CTSS: variants seen among roughly 807,000 people sequenced by gnomAD.
The protein encoded by CTSS is cathepsin S.
A neutral mutation model predicts 39.9 loss-of-function variants in CTSS; 15 were observed. That is an observed-to-expected ratio of 0.38 (90% CI 0.25 to 0.58). The LOEUF (loss-of-function observed/expected upper bound fraction) is 0.58, where lower values mean the gene tolerates loss of function less well. Among genes scored for constraint, CTSS ranks in the 20% least tolerant of loss-of-function variants. CTSS has a pLI of 0.70. For synonymous variants in CTSS, 126 were observed against 138.2 expected (o/e 0.91, Z 0.62); for missense variants, 250 against 398.2 (o/e 0.63, Z 3.17).
At chr1:150,737,984 G>A (rs146959205) in intron 7 of CTSS, among the ~76,000 whole-genome samples, 6 of 152,188 alleles carry the variant, frequency 3.9e-5, no homozygotes, top group African/African-American at 1.2e-4. Context: ...GGGGAGAGTA[G>A]TTGGAGAGGT....
chr1:150,764,728 GGAGCACACCAA>G lies in CTSS; in HGVS notation c.25_35del (p.Val10CysfsTer7), dbSNP rs1309992663. ...CTTTATGCAACTGTGCCACTGCAGAGGAGCACACCAAGAGCACACAAACCAGCCGTTTCATT... is the reference window on the plus strand; with the variant it reads ...CTTTATGCAACTGTGCCACTGCAGAGGAGCACACAAACCAGCCGTTTCATT... On this transcript the variant is annotated frameshift_variant, in exon 2 of 8. Transcript: ENST00000368985. LOFTEE classifies it high-confidence loss of function. 8.1e-6 allele frequency: 13 copies of G among 1,614,060 alleles called. No individual in the cohort carries two copies. The highest frequency in any genetic ancestry group is 1.1e-5 in the Non-Finnish European group (13 of 1,180,000).
At chr1:150,752,580 TTC>T (rs1387849813) in intron 4 of CTSS, among the ~76,000 whole-genome samples, 1 of 152,324 alleles carries the variant, frequency 6.6e-6, no homozygotes, top group African/African-American at 2.4e-5. Context: ...ATCATAATTG[TTC>T]TCTTTCTCTC....
Position 150,764,768 on chromosome 1 carries a change from T to C in CTSS, c.-1-4A>G. 1 of 1,613,726 alleles carries C rather than the reference T, an allele frequency of 6.2e-7. No individual in the cohort carries two copies. ...CACACAAACCAGCCGTTTCATTCTG[T>C]GTAAGGAAAGGTAACATAGGAAGTG... On this transcript the variant is annotated splice_polypyrimidine_tract_variant and splice_region_variant and intron_variant, in intron 1 of 7. Coordinates refer to ENST00000368985, the MANE Select transcript of CTSS (RefSeq NM_004079.5).
intron 7 of CTSS, among the ~76,000 whole-genome samples, chr1:150,738,647 G>C (rs143899358): frequency 2.2e-4 from 33 of 151,148 alleles, no homozygotes; most frequent in African/African-American, 6.1e-4. Context: ...GCATGCCAGG[G>C]TAATTAAAAA....
Position 150,732,949 on chromosome 1 carries a change from A to C in CTSS, c.*97T>G, listed in dbSNP as rs893401798. 14 of 884,214 alleles carry C rather than the reference A, an allele frequency of 1.6e-5. No homozygotes were observed. Among genetic ancestry groups the C allele is most frequent in the Non-Finnish European group, 5.4e-6 (3 of 558,552 alleles). The allele number at this position is 884,214 out of a possible 1,614,324, so 54.8% of individuals were successfully genotyped here. A position where few individuals can be genotyped will look rare whatever the true frequency, so the allele number is the denominator to read the frequency against. ...TAATTAGTACAGTAAATACACATTA[A>C]TCATGACACAATTATTTCTTCTGGA... On this transcript the variant is annotated 3_prime_UTR_variant, in exon 8 of 8. Coordinates refer to ENST00000368985, the MANE Select transcript of CTSS (RefSeq NM_004079.5).
chr1:150,760,880 C>CA (rs56889122), intron 2 of CTSS, among the ~76,000 whole-genome samples: 8,184 of 116,834 alleles, frequency 0.07, 737 homozygotes, highest in African/African-American at 0.22. Context: ...GATCTCATCT[C>CA]AAAAAAAAAA....
chr1:150,741,234 G>A (rs1217734008), intron 7 of CTSS, among the ~76,000 whole-genome samples: 1 of 152,118 alleles, frequency 6.6e-6, no homozygotes, highest in Non-Finnish European at 1.5e-5. Flanking sequence ...CTGGCCTCAA[G>A]TGATCCTCCT....
At chr1:150,741,422 T>C (rs1003288954) in intron 7 of CTSS, among the ~76,000 whole-genome samples, 2 of 152,270 alleles carry the variant, frequency 1.3e-5, no homozygotes, top group African/African-American at 2.4e-5. Flanking sequence ...GAGTTGATTA[T>C]GTCATAGTTT....
At chr1:150,763,466 G>A (rs587723046) in intron 2 of CTSS, among the ~76,000 whole-genome samples, 1 of 152,192 alleles carries the variant, frequency 6.6e-6, no homozygotes, top group South Asian at 2.1e-4. Context: ...ACAATGAAAG[G>A]ATAAGTATGT....
At chr1:150,737,091 A>C (rs1652651515) in intron 7 of CTSS, among the ~76,000 whole-genome samples, 1 of 152,124 alleles carries the variant, frequency 6.6e-6, no homozygotes, top group African/African-American at 2.4e-5. Flanking sequence ...GATTGGACTC[A>C]AGTAGAGTCC....
chr1:150,764,983 T>C (rs1557816030), intron 1 of CTSS, among the ~76,000 whole-genome samples: 1 of 152,156 alleles, frequency 6.6e-6, no homozygotes, highest in African/African-American at 2.4e-5. Flanking sequence ...CTTTAAAAAG[T>C]GATTTCCAGG....
At chr1:150,743,206 A>T (rs1434912507) in intron 7 of CTSS, among the ~76,000 whole-genome samples, 3 of 152,098 alleles carry the variant, frequency 2.0e-5, no homozygotes, top group African/African-American at 7.2e-5. Context: ...CAAGATAGTG[A>T]GAAATGTGCC....
At chr1:150,746,773 T>G (rs1374495104) in intron 7 of CTSS, among the ~76,000 whole-genome samples, 1 of 152,124 alleles carries the variant, frequency 6.6e-6, no homozygotes, top group East Asian at 1.9e-4. Flanking sequence ...GAACTACAAC[T>G]GTGGATAGTG....
intron 7 of CTSS, among the ~76,000 whole-genome samples, chr1:150,745,189 A>G (rs1216867301): frequency 2.0e-5 from 3 of 152,128 alleles, no homozygotes; most frequent in African/African-American, 7.2e-5. Flanking sequence ...ACTTCAAGTA[A>G]AGATTTAAGG....
chr1:150,763,849 C>T (rs1240501465), intron 2 of CTSS, among the ~76,000 whole-genome samples: 3 of 152,204 alleles, frequency 2.0e-5, no homozygotes, highest in African/African-American at 7.2e-5. Flanking sequence ...TTTCGCTCCT[C>T]AGCCATCCCA....
At chr1:150,738,199 T>C (rs1652673397) in intron 7 of CTSS, among the ~76,000 whole-genome samples, 2 of 152,242 alleles carry the variant, frequency 1.3e-5, no homozygotes, top group South Asian at 4.1e-4. Context: ...ATGAGATTAT[T>C]GCAATAGACC....
intron 7 of CTSS, among the ~76,000 whole-genome samples, chr1:150,742,198 G>A (rs1257922873): frequency 9.2e-5 from 14 of 151,426 alleles, no homozygotes; most frequent in East Asian, 3.9e-4. Context: ...CAGAGGTTGC[G>A]GTGAGCTGAG....
At chr1:150,748,979 A>G (rs1370997027) in intron 6 of CTSS, among the ~76,000 whole-genome samples, 1 of 152,212 alleles carries the variant, frequency 6.6e-6, no homozygotes, top group Non-Finnish European at 1.5e-5. Context: ...CCACACCTAT[A>G]TAAGATAGCA....
At chr1:150,743,739 ATATAT>A (rs1382055086) in intron 7 of CTSS, among the ~76,000 whole-genome samples, 3 of 14,738 alleles carry the variant, frequency 2.0e-4, no homozygotes, top group East Asian at 2.9e-3. Flanking sequence ...TGTATACATA[ATATAT>A]TATATATTAT....
Sources: gnomAD v4.1 joint callset for allele counts (sites outside exome capture counted in the v4.1 genomes callset) on GRCh38, gnomAD v4.1.1 for gene constraint, MANE v1.5 for transcripts, NCBI Gene and HGNC (gene_info 2026-07-23, HGNC 2026-07-21) for gene names.